The following ZNF285 variants were observed in gnomAD, a reference collection of about 807,000 sequenced individuals.
The protein encoded by ZNF285 is zinc finger protein 285.
In ZNF285, 4 loss-of-function variants were observed where a neutral mutation model predicts 6.2. That is an observed-to-expected ratio of 0.65 (90% CI 0.32 to 1.49). The LOEUF (loss-of-function observed/expected upper bound fraction) is 1.49, where lower values mean the gene tolerates loss of function less well. Ranked by LOEUF, ZNF285 falls within the 40% of genes most tolerant of loss-of-function variation. The pLI, the probability that ZNF285 is intolerant of heterozygous loss-of-function variation, is 0.07. For synonymous variants in ZNF285, 240 were observed against 245.8 expected, an observed-to-expected ratio of 0.98 and a Z score of 0.22; for missense variants, 695 against 708.8, an observed-to-expected ratio of 0.98 and a Z score of 0.22.
intron 3 of ZNF285, among the ~76,000 whole-genome samples, chr19:44,388,729 T>G (rs73039943): frequency 0.022 from 3,063 of 141,424 alleles, 108 homozygotes; most frequent in African/African-American, 0.088. Flanking sequence ...TGTGTGTATA[T>G]AAATAATACA....
rs1018862801 is a variant in ZNF285 at position 44,382,367 on chromosome 19, T to C, written c.*4105A>G. ...GGGCTGGAGTGCAGTGGTGCGATCTTGGCTCATTGCAACCTCCACCTCCTG... is the reference window on the plus strand; with the variant it reads ...GGGCTGGAGTGCAGTGGTGCGATCTCGGCTCATTGCAACCTCCACCTCCTG... On this transcript the variant is annotated 3_prime_UTR_variant, in exon 4 of 4. Transcript: ENST00000614994. The C allele has an allele frequency of 7.3e-5, 11 of 150,644 alleles. No individual in the cohort carries two copies. The highest frequency in any genetic ancestry group is 2.2e-4 in the African/African-American group (9 of 40,840). 9.3% of individuals were successfully genotyped at this position (150,644 alleles called of 1,614,324 possible). A position where few individuals can be genotyped will look rare whatever the true frequency, so the allele number is the denominator to read the frequency against.
At position 44,387,501 on chromosome 19, in the gene ZNF285, A is replaced by G. The variant is rs1372696154; in HGVS notation, c.744T>C (p.His248=). The change falls in exon 4 of 4, where the codon CAT becomes CAC. Residue 248 remains histidine, a synonymous_variant. Transcript: ENST00000614994. ...GVAFADDTDP[H]VHHSTHLGEK... ...CTCCTAGGTGAGTGCTGTGATGGAC[A>G]TGAGGATCTGTATCATCTGCAAAGG... 1.2e-6 allele frequency: 2 copies of G among 1,614,018 alleles called. No individual in the cohort carries two copies. The highest frequency in any genetic ancestry group is 1.1e-5 in the South Asian group (1 of 91,074).
chr19:44,388,194 T>C (rs1971131640), intron 3 of ZNF285, 92 bp from the exon 4 acceptor site: 2 of 1,201,212 alleles, frequency 1.7e-6, no homozygotes, highest in Middle Eastern at 2.0e-4. Context: ...TGGGAAGTTG[T>C]CCCTGGGTTC....
At chr19:44,399,022 G>A (rs1403398384) in intron 1 of ZNF285, among the ~76,000 whole-genome samples, 1 of 152,042 alleles carries the variant, frequency 6.6e-6, no homozygotes, top group African/African-American at 2.4e-5. Flanking sequence ...AAGCCCAATT[G>A]TTATTATTAT....
In ZNF285 at chr19:44,386,560, T is replaced by A. The variant is rs147054008; in HGVS notation, c.1685A>T (p.His562Leu). 6 of 1,614,086 alleles carry A rather than the reference T, an allele frequency of 3.7e-6. No homozygotes were observed. In the African/African-American group the frequency reaches 8.0e-5, roughly 22 times the overall value. ...NSYLLAHQRVHIDETQYTHCE... is the reference protein window; with the variant it reads ...NSYLLAHQRVLIDETQYTHCE... ...GTGTGTGTACTGTGTCTCATCTATATGCACTCTCTGATGGGCAAGGAGGTA... is the reference window on the plus strand; with the variant it reads ...GTGTGTGTACTGTGTCTCATCTATAAGCACTCTCTGATGGGCAAGGAGGTA... The change falls in exon 4 of 4, where the codon CAT becomes CTT. Residue 562 changes from histidine to leucine, a missense_variant. Physicochemically the swap from His to Leu is moderately conservative, Grantham distance 99 (BLOSUM62 -3). Coordinates refer to ENST00000614994, the MANE Select transcript of ZNF285 (RefSeq NM_152354.6).
chr19:44,395,398 TAGC>T (rs1406488411), intron 2 of ZNF285, among the ~76,000 whole-genome samples: 1 of 151,994 alleles, frequency 6.6e-6, no homozygotes, highest in African/African-American at 2.4e-5. Context: ...AACAAGTCAA[TAGC>T]AGGAGAGAAT....
chr19:44,400,400 A>G (rs1392242279), intron 1 of ZNF285, among the ~76,000 whole-genome samples: 1 of 152,014 alleles, frequency 6.6e-6, no homozygotes, highest in Non-Finnish European at 1.5e-5. Context: ...ACCTAAAATA[A>G]TTAACACTAA....
chr19:44,400,860 C>G (rs112716068), intron 1 of ZNF285, among the ~76,000 whole-genome samples: 1 of 152,106 alleles, frequency 6.6e-6, no homozygotes, highest in East Asian at 1.9e-4. Context: ...GGATTACAGG[C>G]GTGAGGCACC....
At position 44,388,097 on chromosome 19, in the gene ZNF285, C is replaced by T. The variant is rs771876937; in HGVS notation, c.148G>A (p.Gly50Arg). The change falls in exon 4 of 4, where the codon GGG becomes AGG. Residue 50 changes from glycine (G) to arginine (R), a missense_variant. By Grantham distance (125) the Gly-to-Arg change is moderately radical. Transcript: ENST00000614994. ...AGATTCAAAATGTTGTTTTTAATCCCGTCTCCTAGGAGAAGAAAGAGAATT... is the reference window on the plus strand; with the variant it reads ...AGATTCAAAATGTTGTTTTTAATCCTGTCTCCTAGGAGAAGAAAGAGAATT... ...NFRNLMLVRD[G>R]IKNNILNLQA... 29 of 1,611,210 alleles carry T rather than the reference C, an allele frequency of 1.8e-5. No individual in the cohort carries two copies. Among genetic ancestry groups the T allele is most frequent in the Middle Eastern group, 1.7e-4 (1 of 6,058 alleles).
At chr19:44,397,911 A>G (rs1599972216) in intron 1 of ZNF285, among the ~76,000 whole-genome samples, 1 of 152,016 alleles carries the variant, frequency 6.6e-6, no homozygotes, top group East Asian at 1.9e-4. Flanking sequence ...GAGGAAAAAA[A>G]AAAGAGAGAG....
rs756380492 is a variant in ZNF285, at chr19:44,392,368, C to T, written c.114G>A (p.Leu38=). Residue 38 remains leucine (L), a synonymous_variant, in exon 3 of 4, where the codon CTG becomes CTA. Transcript: ENST00000614994. ...AQINLYQDVM[L]ENFRNLMLVR... is the part of the protein sequence containing the mutation. ...CTAACATGAGGTTCCTGAAGTTTTC[C>T]AGCATCACATCTTGGTACAGGTTTA... is the stretch of plus-strand genomic sequence containing the variant. 5 of 1,613,684 alleles carry T rather than the reference C, an allele frequency of 3.1e-6. No individual in the cohort carries two copies. The highest frequency in any genetic ancestry group is 3.3e-4 in the Middle Eastern group (2 of 6,078).
At chr19:44,394,335 A>G (rs1971244798) in intron 2 of ZNF285, among the ~76,000 whole-genome samples, 1 of 152,192 alleles carries the variant, frequency 6.6e-6, no homozygotes, top group Admixed American at 6.5e-5. Flanking sequence ...TGGGTGCAGC[A>G]CACCAACATG....
At chr19:44,395,076 C>G (rs1183480389) in intron 2 of ZNF285, among the ~76,000 whole-genome samples, 2 of 152,144 alleles carry the variant, frequency 1.3e-5, no homozygotes, top group African/African-American at 4.8e-5. Context: ...CTCCACCACC[C>G]TTGTAGCTGG....
At position 44,386,626 on chromosome 19, in the gene ZNF285, T is replaced by C. The variant is rs561026253; in HGVS notation, c.1619A>G (p.Tyr540Cys). Residue 540 changes from tyrosine to cysteine, a missense_variant, in exon 4 of 4, where the codon TAT becomes TGT. Physicochemically the swap from Tyr to Cys is radical, Grantham distance 194. Coordinates refer to ENST00000614994, the MANE Select transcript of ZNF285 (RefSeq NM_152354.6). ...HLRVHTGERPYKCKACGKGFS... is the reference protein window; with the variant it reads ...HLRVHTGERPCKCKACGKGFS... ...GCCCTTACCACATGCCTTACACTTATAGGGCCTCTCTCCTGTGTGGACTCT... is the reference window on the plus strand; with the variant it reads ...GCCCTTACCACATGCCTTACACTTACAGGGCCTCTCTCCTGTGTGGACTCT... 21 of 1,614,196 alleles carry C rather than the reference T, an allele frequency of 1.3e-5. No homozygotes were observed. The highest frequency in any genetic ancestry group is 4.4e-5 in the South Asian group (4 of 91,090).
intron 3 of ZNF285, among the ~76,000 whole-genome samples, chr19:44,389,237 A>AG: frequency 1.3e-5 from 2 of 152,052 alleles, no homozygotes; most frequent in Non-Finnish European, 2.9e-5. Context: ...TATAACAAAC[A>AG]GGGGGCTGAG....
intron 3 of ZNF285, among the ~76,000 whole-genome samples, chr19:44,391,995 A>G (rs1389445914): frequency 6.6e-6 from 1 of 152,160 alleles, no homozygotes; most frequent in Non-Finnish European, 1.5e-5. Context: ...AGCAACCAAT[A>G]GATCAAGGCC....
intron 1 of ZNF285, among the ~76,000 whole-genome samples, chr19:44,400,815 T>A (rs1046232848): frequency 6.6e-6 from 1 of 152,074 alleles, no homozygotes; most frequent in Non-Finnish European, 1.5e-5. Flanking sequence ...TCTCCTGACC[T>A]CGTGATCCGC....
At position 44,387,130 on chromosome 19, in the gene ZNF285, T is replaced by C. The variant is rs747122380; in HGVS notation, c.1115A>G (p.Tyr372Cys). ...HQGVHTGKKP[Y>C]KCEECGKGFD... ...GCCCTTCCCACACTCTTCACATTTA[T>C]AGGGCTTTTTCCCTGTGTGTACTCC... Residue 372 changes from tyrosine to cysteine, a missense_variant, in exon 4 of 4, where the codon TAT becomes TGT. Transcript: ENST00000614994. 26 of 1,614,190 alleles carry C rather than the reference T, an allele frequency of 1.6e-5. No individual in the cohort carries two copies. In the South Asian group the frequency reaches 2.6e-4, roughly 16 times the overall value.
In ZNF285 at chr19:44,385,615, G is replaced by A. The variant is rs1202080997; in HGVS notation, c.*857C>T. ...TAGTCAGGATAGCCTAGGCAATGCT[G>A]CAGTAATAAATAAACCACCAAAAAT... On this transcript the variant is annotated 3_prime_UTR_variant, in exon 4 of 4. Coordinates refer to ENST00000614994, the MANE Select transcript of ZNF285 (RefSeq NM_152354.6). The A allele has an allele frequency of 6.6e-5, 10 of 152,282 alleles. No individual in the cohort carries two copies. Among genetic ancestry groups the A allele is most frequent in the African/African-American group, 1.7e-4 (7 of 41,562 alleles). The allele number at this position is 152,282 out of a possible 1,614,324, so 9.4% of individuals were successfully genotyped here.
Sources: allele counts gnomAD v4.1 joint callset (sites outside exome capture counted in the v4.1 genomes callset), GRCh38; gene constraint gnomAD v4.1.1; transcripts MANE v1.5; gene names NCBI Gene and HGNC (gene_info 2026-07-23, HGNC 2026-07-21).